Variants in ZBTB20 observed in about 807,000 individuals in gnomAD.
ZBTB20 encodes the protein zinc finger and BTB domain-containing protein 20.
A neutral mutation model predicts 56.9 loss-of-function variants in ZBTB20; 9 were observed. The observed-to-expected ratio is 0.16, with a 90% confidence interval of 0.10 to 0.28. The LOEUF is 0.28. ZBTB20 is among the 10% of genes least tolerant of loss of function. The pLI, the probability that ZBTB20 is intolerant of heterozygous loss-of-function variation, is 1.00. For synonymous variants in ZBTB20, 417 were observed against 420.7 expected, an observed-to-expected ratio of 0.99 and a Z score of 0.11; for missense variants, 655 against 1,003.0, an observed-to-expected ratio of 0.65 and a Z score of 4.69.
chr3:115,122,115 A>G (rs1320841805), intron 1 of ZBTB20, among the ~76,000 whole-genome samples: 13 of 152,060 alleles, frequency 8.5e-5, no homozygotes, highest in Admixed American at 8.5e-4. Flanking sequence ...GGCAAATACA[A>G]GCATATCGAA....
chr3:114,333,472 G>C lies in ZBTB20; in HGVS notation c.*5533C>G, dbSNP rs1046994186. 3 of 152,184 alleles carry C rather than the reference G, an allele frequency of 2.0e-5. No homozygotes were observed. The highest frequency in any genetic ancestry group is 7.2e-5 in the African/African-American group (3 of 41,420). The allele number at this position is 152,184 out of a possible 1,614,324, so 9.4% of individuals were successfully genotyped here. On this transcript the variant is annotated 3_prime_UTR_variant, in exon 12 of 12. Transcript: ENST00000675478. Reference sequence around the variant, plus strand: ...GGGGAAAGAGGCTGCTGCTGTTCCAGTGGGAAGTTATGTCTAGCCCCAGAA... The same window carrying C: ...GGGGAAAGAGGCTGCTGCTGTTCCACTGGGAAGTTATGTCTAGCCCCAGAA...
intron 7 of ZBTB20, among the ~76,000 whole-genome samples, chr3:114,482,829 G>A (rs1486863720): frequency 3.3e-5 from 5 of 152,132 alleles, no homozygotes; most frequent in African/African-American, 9.7e-5. Context: ...ATTAAGAACA[G>A]TACCTGATTT....
intron 3 of ZBTB20, chr3:114,930,737 G>A: frequency 4.1e-6 from 1 of 241,820 alleles, no homozygotes; most frequent in Non-Finnish European, 8.6e-6. Flanking sequence ...TATGCGAATG[G>A]CACCAAGGAA....
At chr3:115,058,123 G>C (rs1487566559) in intron 2 of ZBTB20, among the ~76,000 whole-genome samples, 1 of 151,994 alleles carries the variant, frequency 6.6e-6, no homozygotes, top group East Asian at 1.9e-4. Flanking sequence ...CCTCCCACCG[G>C]GTCCCTCCCA....
At chr3:115,056,325 G>T (rs1298393459) in intron 2 of ZBTB20, among the ~76,000 whole-genome samples, 1 of 152,066 alleles carries the variant, frequency 6.6e-6, no homozygotes, top group East Asian at 1.9e-4. Flanking sequence ...CGATGAGAGG[G>T]TAGAGAAACT....
intron 3 of ZBTB20, among the ~76,000 whole-genome samples, chr3:114,957,827 T>G (rs913671227): frequency 3.4e-4 from 52 of 152,228 alleles, no homozygotes; most frequent in African/African-American, 1.2e-3. Flanking sequence ...ATCTAGAGTT[T>G]GTCCTCCAGG....
intron 6 of ZBTB20, among the ~76,000 whole-genome samples, chr3:114,523,020 G>A (rs2046812060): frequency 6.6e-6 from 1 of 152,036 alleles, no homozygotes. Flanking sequence ...GAAGAGAAGA[G>A]CTTCAAAGAT....
chr3:114,422,815 T>C (rs1388484979), intron 7 of ZBTB20, among the ~76,000 whole-genome samples: 1 of 152,170 alleles, frequency 6.6e-6, no homozygotes, highest in African/African-American at 2.4e-5. Context: ...TGTGTTCTTA[T>C]TTATTGATGG....
chr3:114,831,473 CA>C (rs906937141), intron 4 of ZBTB20, among the ~76,000 whole-genome samples: 1 of 151,882 alleles, frequency 6.6e-6, no homozygotes, highest in Non-Finnish European at 1.5e-5. Context: ...CAATATTAAG[CA>C]AAAGGCAATA....
intron 2 of ZBTB20, among the ~76,000 whole-genome samples, chr3:114,976,517 T>C (rs1420797062): frequency 6.6e-6 from 1 of 151,842 alleles, no homozygotes; most frequent in African/African-American, 2.4e-5. Context: ...TCCCAGCTAC[T>C]CAGGAGGCTG....
chr3:114,741,106 T>C (rs1430377220), intron 5 of ZBTB20, among the ~76,000 whole-genome samples: 1 of 152,178 alleles, frequency 6.6e-6, no homozygotes, highest in Non-Finnish European at 1.5e-5. Context: ...TGTTAAAATC[T>C]CAGTAGGGAC....
chr3:114,644,266 A>G (rs1005255114), intron 6 of ZBTB20, among the ~76,000 whole-genome samples: 3 of 152,230 alleles, frequency 2.0e-5, no homozygotes, highest in South Asian at 2.1e-4. Context: ...AAAAAATTAA[A>G]TGGAAAGAAA....
intron 3 of ZBTB20, among the ~76,000 whole-genome samples, chr3:114,956,493 T>TC (rs2107944048): frequency 1.3e-5 from 2 of 152,286 alleles, no homozygotes; most frequent in East Asian, 3.9e-4. Context: ...GAAGCTTTTT[T>TC]CAACATAACC....
rs574112042 is a variant in ZBTB20 at position 114,762,361 on chromosome 3, T to C, written c.-343+38740A>G. Among the ~76,000 whole-genome samples the C allele has an allele frequency of 6.6e-5, 10 of 152,342 alleles. No homozygotes were observed. The South Asian group carries it at 2.1e-3, about 32-fold the overall frequency. On this transcript the variant is annotated intron_variant, in intron 5 of 11. Transcript: ENST00000675478. ...GCCAGCATTTGCCAACTCCGGGCAC[T>C]CTGATGCCCTCTCCACATTCTTTCT...
intron 2 of ZBTB20, among the ~76,000 whole-genome samples, chr3:115,003,967 GGTTA>G (rs1415431566): frequency 2.0e-5 from 3 of 151,634 alleles, no homozygotes; most frequent in African/African-American, 7.2e-5. Context: ...AAAGGATTCA[GGTTA>G]TTTATAAAAT....
At chr3:114,634,875 C>G (rs2059169190) in intron 6 of ZBTB20, among the ~76,000 whole-genome samples, 1 of 152,186 alleles carries the variant, frequency 6.6e-6, no homozygotes, top group Non-Finnish European at 1.5e-5. Flanking sequence ...TTGCCTCATA[C>G]TGTGTACTGA....
At chr3:114,669,507 C>T (rs928842862) in intron 6 of ZBTB20, among the ~76,000 whole-genome samples, 5 of 151,814 alleles carry the variant, frequency 3.3e-5, no homozygotes, top group Admixed American at 1.3e-4. Flanking sequence ...ATTACTGAAC[C>T]AACCAGACTA....
chr3:115,028,120 T>C (rs1398033248), intron 2 of ZBTB20, among the ~76,000 whole-genome samples: 1 of 150,890 alleles, frequency 6.6e-6, no homozygotes, highest in African/African-American at 2.4e-5. Context: ...TCTCTTAAAC[T>C]TATTCCACCT....
intron 10 of ZBTB20, among the ~76,000 whole-genome samples, chr3:114,361,382 G>T (rs2081865175): frequency 6.6e-6 from 1 of 152,144 alleles, no homozygotes; most frequent in Non-Finnish European, 1.5e-5. Flanking sequence ...GATTACTAGA[G>T]TTCACTTTTC....
Sources: gnomAD v4.1 joint callset for allele counts (sites outside exome capture counted in the v4.1 genomes callset) on GRCh38, gnomAD v4.1.1 for gene constraint, MANE v1.5 for transcripts, NCBI Gene and HGNC (gene_info 2026-07-23, HGNC 2026-07-21) for gene names.